Variants in ALDH1L1 observed in about 807,000 individuals in gnomAD.
ALDH1L1 encodes the protein cytosolic 10-formyltetrahydrofolate dehydrogenase.
ALDH1L1 carries 68 observed loss-of-function variants against 101.1 expected under a neutral mutation model. The observed-to-expected ratio is 0.67, with a 90% confidence interval of 0.55 to 0.82. The LOEUF (loss-of-function observed/expected upper bound fraction) is 0.82. Ranked by LOEUF, ALDH1L1 falls within the 40% of genes least tolerant of loss-of-function variation. ALDH1L1 has a pLI of 0.00. For synonymous variants in ALDH1L1, 486 were observed against 470.8 expected, an observed-to-expected ratio of 1.03 and a Z score of -0.42; for missense variants, 1,087 against 1,172.7, an observed-to-expected ratio of 0.93 and a Z score of 1.07.
intron 12 of ALDH1L1, among the ~76,000 whole-genome samples, chr3:126,134,898 C>T (rs2080395941): frequency 6.6e-6 from 1 of 152,186 alleles, no homozygotes; most frequent in South Asian, 2.1e-4. Flanking sequence ...GTGAGGGTGA[C>T]TGCTCCTTCC....
chr3:126,182,608 C>T (rs77470179), upstream of ALDH1L1, among the ~76,000 whole-genome samples: 1,332 of 152,214 alleles, frequency 8.8e-3, 25 homozygotes, highest in African/African-American at 0.029. Flanking sequence ...GGAAAACTGG[C>T]TGAGTGTTAG....
chr3:126,121,225 T>G (rs1382180806), intron 16 of ALDH1L1, among the ~76,000 whole-genome samples: 1 of 152,174 alleles, frequency 6.6e-6, no homozygotes, highest in Non-Finnish European at 1.5e-5. Context: ...AGCATGGCCC[T>G]GCTAACACCT....
chr3:126,146,313 CCCACCA>C (rs200355368), intron 9 of ALDH1L1, among the ~76,000 whole-genome samples: 2 of 152,136 alleles, frequency 1.3e-5, no homozygotes, highest in Admixed American at 1.3e-4. Context: ...CCTCCTGGAA[CCCACCA>C]CCACCACAGG....
At position 126,187,793 on chromosome 3, in the gene ALDH1L1, G is replaced by A. The variant is rs150125756; in HGVS notation, c.-24+9942C>T. Among the ~76,000 whole-genome samples the A allele has an allele frequency of 1.1e-4, 17 of 152,260 alleles. No homozygotes were observed. The South Asian group carries it at 2.5e-3, about 22-fold the overall frequency. On this transcript the variant is annotated intron_variant, in intron 1 of 2. Coordinates refer to the ALDH1L1 transcript ENST00000509952. ...GCCCTTTAAGACCAATGAGAGGGTC[G>A]TGCTGGAGCAGTTGAACCGGAGACT... is the stretch of plus-strand genomic sequence containing the variant.
intron 16 of ALDH1L1, among the ~76,000 whole-genome samples, chr3:126,119,067 T>A (rs1179153838): frequency 6.6e-6 from 1 of 152,158 alleles, no homozygotes; most frequent in Non-Finnish European, 1.5e-5. Context: ...CGACTCTTAC[T>A]TCTCTGACGG....
At chr3:126,185,194 C>G (rs564808411), upstream of ALDH1L1, among the ~76,000 whole-genome samples, 88 of 152,316 alleles carry the variant, frequency 5.8e-4, no homozygotes, top group Middle Eastern at 0.02. Flanking sequence ...AGCTTACAGC[C>G]CTGCTCCTGC....
intron 9 of ALDH1L1, among the ~76,000 whole-genome samples, chr3:126,142,756 G>A (rs1435422216): frequency 6.6e-6 from 1 of 152,162 alleles, no homozygotes; most frequent in East Asian, 1.9e-4. Context: ...AAGACTGAAA[G>A]CCTTTCCCCT....
At chr3:126,191,346 T>G (rs2081552236) in intron 1 of ALDH1L1, among the ~76,000 whole-genome samples, 1 of 152,220 alleles carries the variant, frequency 6.6e-6, no homozygotes, top group Non-Finnish European at 1.5e-5. Flanking sequence ...CTGCTTTTAG[T>G]GGTGAGGATG....
intron 9 of ALDH1L1, among the ~76,000 whole-genome samples, chr3:126,142,047 T>C (rs1490765813): frequency 6.6e-6 from 1 of 152,100 alleles, no homozygotes; most frequent in Non-Finnish European, 1.5e-5. Context: ...ATAAAAAGCA[T>C]CATAAGAAAA....
chr3:126,125,721 C>T lies in ALDH1L1; in HGVS notation c.1695G>A (p.Gly565=), dbSNP rs1293824347. ...NLTLTRKEPV[G]VCGIIIPWNY... ...TCCAGGGGATGATGATGCCACAAAC[C>T]CTGCCACACAAAAGAGGTTGGCCTT... Residue 565 remains glycine (G), a splice_region_variant and synonymous_variant, in exon 15 of 23, where the codon GGG becomes GGA. Transcript: ENST00000393434. The T allele has an allele frequency of 6.4e-7, 1 of 1,551,076 alleles. No individual in the cohort carries two copies. Among genetic ancestry groups the T allele is most frequent in the Admixed American group, 1.9e-5 (1 of 53,714 alleles).
intron 9 of ALDH1L1, among the ~76,000 whole-genome samples, chr3:126,139,160 T>A (rs1033476923): frequency 1.3e-5 from 2 of 152,250 alleles, no homozygotes; most frequent in African/African-American, 4.8e-5. Context: ...TGAGAAGCTA[T>A]CACAAAGGCT....
chr3:126,181,834 G>A (rs911618284), upstream of ALDH1L1, among the ~76,000 whole-genome samples: 3 of 152,338 alleles, frequency 2.0e-5, no homozygotes, highest in South Asian at 4.1e-4. Flanking sequence ...GCCAGTATGG[G>A]CACCCAGGAT....
intron 1 of ALDH1L1, among the ~76,000 whole-genome samples, chr3:126,170,549 G>A (rs1158092315): frequency 2.6e-5 from 4 of 151,610 alleles, no homozygotes; most frequent in South Asian, 2.1e-4. Context: ...ATTTTTAACC[G>A]ACAGAATCAT....
rs372335625 is a variant in ALDH1L1, at chr3:126,130,204, G to A, written c.1694+19C>T. 78 of 1,595,104 alleles carry A rather than the reference G, an allele frequency of 4.9e-5. No homozygotes were observed. In the East Asian group the frequency reaches 5.4e-4, roughly 11 times the overall value. Reference sequence around the variant, plus strand: ...GGAAAGCACCGCGAGGCTGCACCTCGCCCTGGGCAGGAACTCACCCAACAG... The same window carrying A: ...GGAAAGCACCGCGAGGCTGCACCTCACCCTGGGCAGGAACTCACCCAACAG... On this transcript the variant is annotated intron_variant, in intron 14 of 22. Transcript: ENST00000393434.
At chr3:126,157,219 C>T in intron 4 of ALDH1L1, 124 bp downstream of exon 4, 3 of 1,225,992 alleles carry the variant, frequency 2.4e-6, no homozygotes, top group Non-Finnish European at 3.4e-6. Context: ...GAGAGCTCCT[C>T]TCCCTCCAGA....
In ALDH1L1 at chr3:126,153,726, C is replaced by T. The variant is rs1385384299; in HGVS notation, c.721-145G>A. ...GAGCCGGCTCAAAGCCCATGTGACC[C>T]CTGAGGCCCTTTCTCCTGGGGCACA... On this transcript the variant is annotated intron_variant, in intron 6 of 22. Coordinates refer to ENST00000393434, the MANE Select transcript of ALDH1L1 (RefSeq NM_012190.4). The T allele has an allele frequency of 7.5e-6, 8 of 1,060,168 alleles. No homozygotes were observed. The Admixed American group carries it at 1.2e-4, about 15-fold the overall frequency. The allele number at this position is 1,060,168 out of a possible 1,614,324, so 65.7% of individuals were successfully genotyped here.
chr3:126,105,034 T>C (rs7624373), intron 22 of ALDH1L1: 98,298 of 161,736 alleles, frequency 0.61, 30,452 homozygotes, highest in African/African-American at 0.71. Context: ...CAGAACTCCA[T>C]GCCACCCAGC....
Position 126,105,891 on chromosome 3 carries a change from T to A in ALDH1L1, c.2488A>T (p.Thr830Ser), listed in dbSNP as rs761642800. 6.2e-6 allele frequency: 10 copies of A among 1,613,882 alleles called. No homozygotes were observed. In the African/African-American group the frequency reaches 1.3e-4, roughly 22 times the overall value. Residue 830 changes from threonine (T) to serine (S), a missense_variant, in exon 22 of 23, where the codon ACG becomes TCG. Transcript: ENST00000393434. Reference protein sequence around the residue: ...LDAVLSRANATEFGLASGVFT... With the variant: ...LDAVLSRANASEFGLASGVFT... ...ACACCAGAAGCCAGGCCAAATTCCG[T>A]GGCATTGGCCCGAGACAGCACGGCA...
At chr3:126,134,804 C>A (rs139718847) in intron 12 of ALDH1L1, among the ~76,000 whole-genome samples, 429 of 152,308 alleles carry the variant, frequency 2.8e-3, no homozygotes, top group African/African-American at 9.8e-3. Context: ...AGGACCCCAG[C>A]GAAAGAGCCA....
Sources: allele counts gnomAD v4.1 joint callset (sites outside exome capture counted in the v4.1 genomes callset), GRCh38; gene constraint gnomAD v4.1.1; transcripts MANE v1.5; gene names NCBI Gene and HGNC (gene_info 2026-07-23, HGNC 2026-07-21).